Variants in PTPRN2 observed in about 807,000 individuals in gnomAD.
The protein encoded by PTPRN2 is receptor-type tyrosine-protein phosphatase N2.
PTPRN2 carries 74 observed loss-of-function variants against 118.8 expected under a neutral mutation model. The observed-to-expected ratio is 0.62, with a 90% CI of 0.52 to 0.76. The LOEUF is 0.76. Ranked by LOEUF, PTPRN2 falls within the 30% of genes least tolerant of loss-of-function variation. The pLI is 0.00. For missense variants in PTPRN2, 1,481 were observed against 1,394.4 expected, an observed-to-expected ratio of 1.06 and a Z score of -0.99; for synonymous variants, 641 against 608.0, an observed-to-expected ratio of 1.05 and a Z score of -0.80.
At chr7:158,008,628 C>T (rs549727063) in intron 11 of PTPRN2, among the ~76,000 whole-genome samples, 1 of 152,366 alleles carries the variant, frequency 6.6e-6, no homozygotes, top group Non-Finnish European at 1.5e-5. Context: ...AAGCAGCAGC[C>T]TGCCCCCCAC....
At chr7:157,863,527 T>C (rs1272519526) in intron 12 of PTPRN2, 1 of 152,222 alleles carries the variant, frequency 6.6e-6, no homozygotes, top group East Asian at 1.9e-4. Context: ...TACCACCAAC[T>C]GGTTTTCAAA....
At position 157,771,704 on chromosome 7, in the gene PTPRN2, CAG is replaced by C. The variant is rs1378185370; in HGVS notation, c.1789-88769_1789-88768del. On this transcript the variant is annotated intron_variant, in intron 12 of 22. Coordinates refer to ENST00000389418, the MANE Select transcript of PTPRN2 (RefSeq NM_002847.5). ...ACACACATGCAGACACACAAACACACAGACACACACGAACACACACAGACGCA... is the reference window on the plus strand; with the variant it reads ...ACACACATGCAGACACACAAACACACACACACACGAACACACACAGACGCA... Among the ~76,000 whole-genome samples, 15 of 152,074 alleles carry C rather than the reference CAG, an allele frequency of 9.9e-5. 3 individuals are homozygous for C. The highest frequency in any genetic ancestry group is 3.6e-4 in the African/African-American group (15 of 41,456).
At chr7:158,437,346 C>T (rs763474067) in intron 2 of PTPRN2, among the ~76,000 whole-genome samples, 1 of 152,194 alleles carries the variant, frequency 6.6e-6, no homozygotes, top group African/African-American at 2.4e-5. Context: ...TTTTCTTGAA[C>T]ATATCAACCA....
intron 12 of PTPRN2, among the ~76,000 whole-genome samples, chr7:157,776,847 C>T: frequency 3.9e-5 from 2 of 51,070 alleles, no homozygotes; most frequent in Non-Finnish European, 7.4e-5. Flanking sequence ...TTCCTCCTCC[C>T]TCTCCTCCTC....
intron 1 of PTPRN2, among the ~76,000 whole-genome samples, chr7:158,512,102 G>A (rs1337464880): frequency 6.6e-6 from 1 of 152,194 alleles, no homozygotes; most frequent in African/African-American, 2.4e-5. Flanking sequence ...AGACGGTGAT[G>A]ACAGAATCCT....
chr7:157,621,627 G>A lies in PTPRN2; in HGVS notation c.2197-118C>T, dbSNP rs12538975. ...CGTGGGCCATGCCCACCTTGCTCAC[G>A]AGCCTGGGCCATGGTGCGACGTTGT... On this transcript the variant is annotated intron_variant, in intron 14 of 22. Transcript: ENST00000389418. 0.014 allele frequency: 18,136 copies of A among 1,319,790 alleles called. 905 individuals carry two copies. The East Asian group carries it at 0.16, about 12-fold the overall frequency. The allele number at this position is 1,319,790 out of a possible 1,614,324, so 81.8% of individuals were successfully genotyped here.
chr7:157,686,547 CA>C (rs1278593510), intron 12 of PTPRN2, among the ~76,000 whole-genome samples: 7 of 152,210 alleles, frequency 4.6e-5, no homozygotes, highest in Non-Finnish European at 8.8e-5. Flanking sequence ...CCATCTCCCC[CA>C]TGGGCACCGA....
chr7:157,574,127 C>T (rs1799895968), intron 19 of PTPRN2, among the ~76,000 whole-genome samples: 2 of 152,198 alleles, frequency 1.3e-5, no homozygotes, highest in Admixed American at 1.3e-4. Context: ...AACAAAGAAT[C>T]AGTGAGCAAA....
At chr7:158,377,464 C>T (rs561170923) in intron 2 of PTPRN2, among the ~76,000 whole-genome samples, 3 of 152,318 alleles carry the variant, frequency 2.0e-5, no homozygotes, top group Admixed American at 6.5e-5. Context: ...AGCATCATCA[C>T]GCATAAGAAA....
intron 11 of PTPRN2, among the ~76,000 whole-genome samples, chr7:157,945,649 AGACGATGCCGCCTCCAGCTTG>A (rs566075350): frequency 6.7e-6 from 1 of 150,070 alleles, no homozygotes; most frequent in African/African-American, 2.4e-5. Context: ...CCTCCAAGTC[AGACGATGCCGCCTCCAGCTTG>A]GACGATGCCG....
chr7:158,471,270 C>T (rs920135834), intron 2 of PTPRN2, among the ~76,000 whole-genome samples: 2 of 152,110 alleles, frequency 1.3e-5, no homozygotes, highest in African/African-American at 2.4e-5. Flanking sequence ...GCTCCCCTCC[C>T]GCCTCCCCCT....
At position 157,603,145 on chromosome 7, in the gene PTPRN2, G is replaced by A. The variant is rs372162391; in HGVS notation, c.2418+857C>T. On this transcript the variant is annotated intron_variant, in intron 16 of 22. Transcript: ENST00000389418. This position sits in a 1 kb window ranked among gnomAD's most constrained non-coding sequence, Gnocchi z 5.4. ...CCGGCCCTGGACAGTGTCCCATCCC[G>A]CCCCCGCCACCTGCCACCATCACTG... Among the ~76,000 whole-genome samples, 28 of 131,286 alleles carry A rather than the reference G, an allele frequency of 2.1e-4. No homozygotes were observed. The highest frequency in any genetic ancestry group is 1.0e-3 in the East Asian group (4 of 4,006). 86.1% of individuals were successfully genotyped at this position (131,286 alleles called of 152,430 possible).
chr7:158,331,497 C>T (rs111899826), intron 2 of PTPRN2, among the ~76,000 whole-genome samples: 2 of 68,650 alleles, frequency 2.9e-5, no homozygotes, highest in African/African-American at 6.1e-5. Flanking sequence ...TCTCACCATA[C>T]GAGCTGTCAC....
At chr7:158,287,039 G>T (rs1333270598) in intron 3 of PTPRN2, among the ~76,000 whole-genome samples, 1 of 148,838 alleles carries the variant, frequency 6.7e-6, no homozygotes, top group East Asian at 2.0e-4. Flanking sequence ...TTATTGGTCT[G>T]TTCAGATTTT....
At chr7:158,014,672 T>C (rs999545430) in intron 11 of PTPRN2, among the ~76,000 whole-genome samples, 1 of 151,138 alleles carries the variant, frequency 6.6e-6, no homozygotes, top group African/African-American at 2.4e-5. Flanking sequence ...CATCCATCTA[T>C]TTACCCATCC....
chr7:158,341,139 C>G (rs1806679116), intron 2 of PTPRN2, among the ~76,000 whole-genome samples: 1 of 138,822 alleles, frequency 7.2e-6, no homozygotes, highest in African/African-American at 2.8e-5. Flanking sequence ...CACCCACAGT[C>G]TCACCATAAG....
At chr7:158,139,325 T>G (rs1321436397) in intron 6 of PTPRN2, among the ~76,000 whole-genome samples, 6 of 152,172 alleles carry the variant, frequency 3.9e-5, no homozygotes, top group Non-Finnish European at 8.8e-5. Flanking sequence ...GCACGGCGTC[T>G]GAAATTTAAA....
chr7:157,601,048 G>A (rs1370261824), intron 16 of PTPRN2, among the ~76,000 whole-genome samples: 1 of 152,178 alleles, frequency 6.6e-6, no homozygotes, highest in African/African-American at 2.4e-5. Context: ...TAAAGCTTGT[G>A]TGCTGTGTTT....
chr7:157,721,625 G>A (rs74351299), intron 12 of PTPRN2, among the ~76,000 whole-genome samples: 2,338 of 152,282 alleles, frequency 0.015, 57 homozygotes, highest in African/African-American at 0.045. Context: ...TCTACACTGG[G>A]TGTGCCCGAG....
Sources: gnomAD v4.1 joint callset for allele counts (sites outside exome capture counted in the v4.1 genomes callset) on GRCh38, gnomAD v4.1.1 for gene constraint, Gnocchi (gnomAD v3.1) non-coding constraint, MANE v1.5 for transcripts, NCBI Gene and HGNC (gene_info 2026-07-23, HGNC 2026-07-21) for gene names.